TMTC3: variants seen among roughly 807,000 people sequenced by gnomAD.
The protein encoded by TMTC3 is transmembrane O-mannosyltransferase targeting cadherins 3, also known as protein O-mannosyl-transferase TMTC3.
A neutral mutation model predicts 92.2 loss-of-function variants in TMTC3; 52 were observed. The ratio of observed to expected loss-of-function variants is 0.56; its 90% confidence interval spans 0.45 to 0.71. The LOEUF is 0.71. TMTC3 is among the 30% of genes least tolerant of loss of function. TMTC3 has a pLI of 0.00. For synonymous variants in TMTC3, 339 were observed against 363.3 expected (o/e 0.93, Z 0.76); for missense variants, 896 against 1,057.1 (o/e 0.85, Z 2.11).
intron 1 of TMTC3, among the ~76,000 whole-genome samples, chr12:88,142,935 A>C (rs1307372539): frequency 6.6e-6 from 1 of 152,136 alleles, no homozygotes; most frequent in East Asian, 1.9e-4. Context: ...AAGGGATCCA[A>C]GGACTCACCT....
intron 10 of TMTC3, among the ~76,000 whole-genome samples, chr12:88,180,624 G>A (rs1366880601): frequency 6.6e-6 from 1 of 152,188 alleles, no homozygotes; most frequent in Non-Finnish European, 1.5e-5. Context: ...TTTGGGGCTT[G>A]TGTCATTCAA....
chr12:88,143,878 C>G (rs2040830922), intron 1 of TMTC3, among the ~76,000 whole-genome samples: 1 of 152,096 alleles, frequency 6.6e-6, no homozygotes, highest in Admixed American at 6.5e-5. Flanking sequence ...GTGGGTTATT[C>G]ATGAGTTTTC....
At chr12:88,146,769 AAAACTTG>A (rs1385788384) in intron 1 of TMTC3, among the ~76,000 whole-genome samples, 1 of 150,886 alleles carries the variant, frequency 6.6e-6, no homozygotes, top group Non-Finnish European at 1.5e-5. Context: ...TTTAGGAAAT[AAAACTTG>A]AAACTATAGC....
intron 10 of TMTC3, among the ~76,000 whole-genome samples, chr12:88,182,599 G>A (rs984772816): frequency 6.6e-6 from 1 of 152,120 alleles, no homozygotes; most frequent in Non-Finnish European, 1.5e-5. Context: ...TTTTTCAGGT[G>A]CTATGACTAA....
intron 2 of TMTC3, 114 bp from the exon 3 acceptor site, chr12:88,153,177 T>C: frequency 1.6e-6 from 1 of 614,228 alleles, no homozygotes; most frequent in Non-Finnish European, 2.8e-6. Flanking sequence ...ATTTTATTGT[T>C]ATTTCTCAGT....
rs760401701 is a variant in TMTC3 at position 88,190,597 on chromosome 12, G to A, written c.1681G>A (p.Asp561Asn). Reference sequence around the variant, plus strand: ...CCGTCAAGCAATAAGCATGAGGCCCGACTTCAAGCAGGCTTACATTAGCAG... The same window carrying A: ...CCGTCAAGCAATAAGCATGAGGCCCAACTTCAAGCAGGCTTACATTAGCAG... ...LYRQAISMRP[D>N]FKQAYISRGE... Residue 561 changes from aspartate (D) to asparagine (N), a missense_variant, in exon 12 of 14, where the codon GAC becomes AAC. Asp to Asn is a conservative substitution (Grantham distance 23). Transcript: ENST00000266712. 5.6e-5 allele frequency: 90 copies of A among 1,613,410 alleles called. No individual in the cohort carries two copies. The highest frequency in any genetic ancestry group is 6.3e-5 in the Non-Finnish European group (74 of 1,179,702).
At chr12:88,161,273 G>A (rs1245785502) in intron 6 of TMTC3, among the ~76,000 whole-genome samples, 1 of 152,082 alleles carries the variant, frequency 6.6e-6, no homozygotes, top group East Asian at 1.9e-4. Context: ...TAAACAACTA[G>A]GATTGTCAAG....
intron 6 of TMTC3, 91 bp from the exon 7 acceptor site, chr12:88,166,239 T>C: frequency 8.0e-7 from 1 of 1,244,514 alleles, no homozygotes; most frequent in East Asian, 2.6e-5. Flanking sequence ...AGATGATATA[T>C]AAAATGTTTA....
At chr12:88,153,222 C>T in intron 2 of TMTC3, 69 bp from the exon 3 acceptor site, 3 of 913,752 alleles carry the variant, frequency 3.3e-6, no homozygotes, top group Non-Finnish European at 5.0e-6. Flanking sequence ...ATGGTAAATG[C>T]AGTGATGAGC....
chr12:88,146,371 G>T (rs1417085568), intron 1 of TMTC3, among the ~76,000 whole-genome samples: 6 of 152,092 alleles, frequency 3.9e-5, no homozygotes, highest in Non-Finnish European at 7.4e-5. Context: ...TAAAGAGCTT[G>T]TGCATTGAAC....
At chr12:88,165,195 G>A (rs771086407) in intron 6 of TMTC3, among the ~76,000 whole-genome samples, 3 of 152,126 alleles carry the variant, frequency 2.0e-5, no homozygotes, top group South Asian at 2.1e-4. Flanking sequence ...ATATGTTTGT[G>A]TATGTGTGTA....
chr12:88,160,879 C>T (rs747409904), intron 6 of TMTC3, 28 bp downstream of exon 6: 2 of 1,539,418 alleles, frequency 1.3e-6, no homozygotes, highest in Non-Finnish European at 8.7e-7. Context: ...TTTGTTTTCT[C>T]CATTCTTTTT....
intron 1 of TMTC3, among the ~76,000 whole-genome samples, chr12:88,145,708 T>C (rs938769537): frequency 6.6e-6 from 1 of 152,182 alleles, no homozygotes; most frequent in Admixed American, 6.5e-5. Context: ...TATTATGTAT[T>C]CACGTGGGGT....
chr12:88,181,628 T>C (rs1447207291), intron 10 of TMTC3, among the ~76,000 whole-genome samples: 12 of 152,048 alleles, frequency 7.9e-5, no homozygotes, highest in Admixed American at 3.3e-4. Flanking sequence ...ATTGCTGAAG[T>C]TGAAGAAAAA....
chr12:88,195,676 T>C lies in TMTC3; in HGVS notation c.*27T>C. The C allele has an allele frequency of 6.5e-7, 1 of 1,534,928 alleles. No homozygotes were observed. The highest frequency in any genetic ancestry group is 8.8e-7 in the Non-Finnish European group (1 of 1,140,158). On this transcript the variant is annotated 3_prime_UTR_variant, in exon 14 of 14. Coordinates refer to ENST00000266712, the MANE Select transcript of TMTC3 (RefSeq NM_181783.4). The stretch of plus-strand genomic sequence containing the variant: ...ATTAATATTTATCGTGACAATGGTA[T>C]CAAAGAACATCAATCCGTATCATGT...
intron 10 of TMTC3, among the ~76,000 whole-genome samples, chr12:88,187,199 C>A: frequency 6.7e-6 from 1 of 149,872 alleles, no homozygotes. Flanking sequence ...AAAGCAAAGA[C>A]TACCCCATAT....
intron 4 of TMTC3, among the ~76,000 whole-genome samples, chr12:88,159,745 G>T (rs1056151719): frequency 2.0e-5 from 3 of 151,448 alleles, no homozygotes; most frequent in African/African-American, 7.3e-5. Context: ...GTTTAATAAG[G>T]TATAAAGATA....
chr12:88,153,327 T>C lies in TMTC3; in HGVS notation c.226T>C (p.Leu76=), dbSNP rs1592724029. 6.2e-7 allele frequency: 1 copy of C among 1,613,276 alleles called. No individual in the cohort carries two copies. The highest frequency in any genetic ancestry group is 1.1e-5 in the South Asian group (1 of 91,034). The part of the protein sequence containing the change: ...SHKSYRPLTV[L]TFRLNYLLSE... ...CAAGTCTTACCGTCCCTTAACAGTA[T>C]TGACATTTCGCTTAAATTATTTGTT... The change falls in exon 3 of 14, where the codon TTG becomes CTG. Residue 76 remains leucine (L), a synonymous_variant. Transcript: ENST00000266712.
intron 2 of TMTC3, among the ~76,000 whole-genome samples, chr12:88,152,532 A>G (rs887126376): frequency 1.3e-5 from 2 of 152,182 alleles, no homozygotes; most frequent in East Asian, 3.8e-4. Flanking sequence ...AAATAACTTT[A>G]TTAATATTTT....
Sources: gnomAD v4.1 joint callset for allele counts (sites outside exome capture counted in the v4.1 genomes callset) on GRCh38, gnomAD v4.1.1 for gene constraint, MANE v1.5 for transcripts, NCBI Gene and HGNC (gene_info 2026-07-23, HGNC 2026-07-21) for gene names.